GABRG3: variants seen among roughly 807,000 people sequenced by gnomAD.
The protein encoded by GABRG3 is gamma-aminobutyric acid receptor subunit gamma-3.
Under a neutral mutation model 48.8 loss-of-function variants are expected in GABRG3, and 25 were observed. The observed-to-expected ratio is 0.51, with a 90% CI of 0.37 to 0.72. GABRG3 has a LOEUF of 0.72. GABRG3 is among the 30% of genes least tolerant of loss of function. GABRG3 has a pLI of 0.00. For synonymous variants in GABRG3, 227 were observed against 217.6 expected (o/e 1.04, Z -0.38); for missense variants, 394 against 577.9 (o/e 0.68, Z 3.26).
chr15:27,062,227 G>A (rs912494205), intron 3 of GABRG3, among the ~76,000 whole-genome samples: 1 of 151,980 alleles, frequency 6.6e-6, no homozygotes, highest in African/African-American at 2.4e-5. Flanking sequence ...TCACAGGAGA[G>A]GGAGCTGGCT....
At chr15:27,432,899 C>T (rs1287136885) in intron 5 of GABRG3, among the ~76,000 whole-genome samples, 1 of 152,224 alleles carries the variant, frequency 6.6e-6, no homozygotes, top group East Asian at 1.9e-4. Flanking sequence ...GACAGTCTAA[C>T]ACAGTTCTGC....
chr15:27,530,738 T>C (rs548956372), intron 9 of GABRG3: 9 of 470,854 alleles, frequency 1.9e-5, no homozygotes, highest in African/African-American at 1.2e-4. Flanking sequence ...TGTGGCTGCC[T>C]TACCTTGCAA....
chr15:27,531,470 T>G (rs1321730094), intron 9 of GABRG3, among the ~76,000 whole-genome samples: 1 of 152,216 alleles, frequency 6.6e-6, no homozygotes, highest in African/African-American at 2.4e-5. Context: ...TCTAATGAAT[T>G]CTGAATGGCC....
At chr15:27,110,384 C>A (rs1255172657) in intron 3 of GABRG3, among the ~76,000 whole-genome samples, 2 of 151,954 alleles carry the variant, frequency 1.3e-5, no homozygotes, top group Non-Finnish European at 2.9e-5. Context: ...ACTGTTATTG[C>A]TTCAAAGTTA....
intron 3 of GABRG3, among the ~76,000 whole-genome samples, chr15:27,164,700 T>C (rs1449784416): frequency 6.6e-6 from 1 of 152,260 alleles, no homozygotes; most frequent in Admixed American, 6.5e-5. Context: ...TTCTGCAATA[T>C]CTGATAGCTC....
intron 3 of GABRG3, among the ~76,000 whole-genome samples, chr15:27,209,691 C>T (rs983965281): frequency 6.6e-6 from 1 of 152,154 alleles, no homozygotes; most frequent in African/African-American, 2.4e-5. Flanking sequence ...AGAGCGAGGC[C>T]ACAGGAACCC....
chr15:27,035,672 A>T (rs1448817080), intron 3 of GABRG3, among the ~76,000 whole-genome samples: 1 of 152,160 alleles, frequency 6.6e-6, no homozygotes, highest in Non-Finnish European at 1.5e-5. Flanking sequence ...TTGCCTAGAG[A>T]CAGGGAGCCA....
intron 5 of GABRG3, among the ~76,000 whole-genome samples, chr15:27,388,995 A>G (rs1566819189): frequency 6.6e-6 from 1 of 152,192 alleles, no homozygotes; most frequent in Non-Finnish European, 1.5e-5. Flanking sequence ...TTTAATTTAC[A>G]TTTGATTGTA....
chr15:27,343,457 T>C (rs893950350), intron 5 of GABRG3, among the ~76,000 whole-genome samples: 2 of 152,242 alleles, frequency 1.3e-5, no homozygotes, highest in African/African-American at 4.8e-5. Context: ...GCTATTTCCA[T>C]GCACCCAATC....
intron 3 of GABRG3, among the ~76,000 whole-genome samples, chr15:27,270,010 C>T (rs1049023260): frequency 2.0e-5 from 3 of 152,082 alleles, no homozygotes; most frequent in Admixed American, 6.6e-5. Context: ...GCTATGTCCT[C>T]TTATAGAGAA....
intron 3 of GABRG3, among the ~76,000 whole-genome samples, chr15:27,320,386 C>T (rs1409829736): frequency 6.6e-6 from 1 of 152,052 alleles, no homozygotes; most frequent in African/African-American, 2.4e-5. Context: ...TATTGTCTGT[C>T]AAGGGTCTAG....
In GABRG3 at chr15:27,360,609, C is replaced by T. The variant is rs1311426211; in HGVS notation, c.574+31721C>T. Among the ~76,000 whole-genome samples, 11 of 152,146 alleles carry T rather than the reference C, an allele frequency of 7.2e-5. No homozygotes were observed. The East Asian group carries it at 1.7e-3, about 24-fold the overall frequency. On this transcript the variant is annotated intron_variant, in intron 5 of 9. Transcript: ENST00000615808. The stretch of plus-strand genomic sequence containing the variant: ...CCGAGATGGGCCGGGATGAGGTGCC[C>T]GACCTCTGTCTGGAACCTTGCCCTT...
At chr15:27,367,057 C>T (rs1022590446) in intron 5 of GABRG3, among the ~76,000 whole-genome samples, 4 of 152,156 alleles carry the variant, frequency 2.6e-5, no homozygotes, top group African/African-American at 9.7e-5. Context: ...TCCCTTCCAC[C>T]TATGAGGACT....
intron 3 of GABRG3, among the ~76,000 whole-genome samples, chr15:27,283,991 C>A (rs1484863301): frequency 6.6e-6 from 1 of 152,138 alleles, no homozygotes; most frequent in Non-Finnish European, 1.5e-5. Context: ...GATGTAGAGA[C>A]TTAGACTTTC....
intron 8 of GABRG3, 66 bp from the exon 9 acceptor site, chr15:27,527,867 T>G: frequency 7.5e-7 from 1 of 1,329,350 alleles, no homozygotes. Flanking sequence ...AGATTGCTCT[T>G]AAGAGTGATC....
intron 5 of GABRG3, among the ~76,000 whole-genome samples, chr15:27,476,738 A>G (rs1383386146): frequency 2.0e-5 from 3 of 152,218 alleles, no homozygotes; most frequent in African/African-American, 7.2e-5. Flanking sequence ...AGGAGAAGAG[A>G]AGAGAAGAGA....
In GABRG3 at chr15:27,385,972, G is replaced by A. The variant is rs138877710; in HGVS notation, c.574+57084G>A. Reference sequence around the variant, plus strand: ...TTGATAAGTTTTTGTTGAAAACTGCGTATTTTAGATAATATATTGTGGCAA... The same window carrying A: ...TTGATAAGTTTTTGTTGAAAACTGCATATTTTAGATAATATATTGTGGCAA... On this transcript the variant is annotated intron_variant, in intron 5 of 9. Transcript: ENST00000615808. Among the ~76,000 whole-genome samples the A allele has an allele frequency of 2.2e-3, 341 of 152,238 alleles. 1 individual carries two copies. Among genetic ancestry groups the A allele is most frequent in the African/African-American group, 7.5e-3 (312 of 41,548 alleles).
chr15:27,523,654 C>T (rs1891209482), intron 7 of GABRG3, among the ~76,000 whole-genome samples: 1 of 151,534 alleles, frequency 6.6e-6, no homozygotes. Context: ...AAAAGCTCCA[C>T]AAAGAAATAG....
At chr15:27,054,244 GA>G (rs112410426) in intron 3 of GABRG3, among the ~76,000 whole-genome samples, 127 of 139,388 alleles carry the variant, frequency 9.1e-4, no homozygotes, top group East Asian at 5.6e-3. Context: ...ATCTCAAAAA[GA>G]AAAAAAAAAA....
Sources: gnomAD v4.1 joint callset for allele counts (sites outside exome capture counted in the v4.1 genomes callset) on GRCh38, gnomAD v4.1.1 for gene constraint, MANE v1.5 for transcripts, NCBI Gene and HGNC (gene_info 2026-07-23, HGNC 2026-07-21) for gene names.